The following GLIS3 variants were observed in gnomAD, a reference collection of about 807,000 sequenced individuals.
GLIS3 encodes GLIS family zinc finger 3, also known as zinc finger protein GLIS3.
Under a neutral mutation model 78.6 loss-of-function variants are expected in GLIS3, and 53 were observed. That is an observed-to-expected ratio of 0.67 (90% CI 0.54 to 0.85). The LOEUF (loss-of-function observed/expected upper bound fraction) is 0.85, where lower values mean the gene tolerates loss of function less well. GLIS3 is among the 40% of genes least tolerant of loss of function. The pLI is 0.00. For synonymous variants in GLIS3, 684 were observed against 509.9 expected, an observed-to-expected ratio of 1.34 and a Z score of -4.60; for missense variants, 1,703 against 1,231.1, an observed-to-expected ratio of 1.38 and a Z score of -5.74.
chr9:4,144,006 T>C (rs1834015517), intron 2 of GLIS3, among the ~76,000 whole-genome samples: 1 of 152,186 alleles, frequency 6.6e-6, no homozygotes, highest in South Asian at 2.1e-4. Flanking sequence ...AGCACCTTAG[T>C]ATGGAAAGAT....
chr9:4,118,699 A>G lies in GLIS3; in HGVS notation c.779T>C (p.Met260Thr), dbSNP rs760922241. ...TGAGTTAGAGACACTATTGCTGGAC[A>G]TGGATGTCCCGGGAGGAAGGCTAAG... is the stretch of plus-strand genomic sequence containing the variant. The part of the protein sequence containing the change: ...DLLSLPPGTS[M>T]SSNSVSNSLP... The change falls in exon 4 of 11, where the codon ATG becomes ACG. Residue 260 changes from methionine (M) to threonine (T), a missense_variant. By Grantham distance (81) the Met-to-Thr change is moderately conservative. Transcript: ENST00000381971. The surrounding 1 kb of genome is among the most constrained non-coding windows in gnomAD (Gnocchi z 4.7). 8.1e-6 allele frequency: 13 copies of G among 1,613,992 alleles called. No individual in the cohort carries two copies. The highest frequency in any genetic ancestry group is 1.1e-5 in the South Asian group (1 of 91,082).
intron 2 of GLIS3, among the ~76,000 whole-genome samples, chr9:4,224,442 C>T (rs1020874775): frequency 1.3e-5 from 2 of 152,176 alleles, no homozygotes; most frequent in Non-Finnish European, 2.9e-5. Context: ...CATACACTGT[C>T]CTCTTTATGA....
intron 10 of GLIS3, 24 bp downstream of exon 10, chr9:3,829,286 C>A (rs1488176264): frequency 6.2e-7 from 1 of 1,611,346 alleles, no homozygotes; most frequent in South Asian, 1.1e-5. Flanking sequence ...ACAGGATTTT[C>A]TAAGTCACAG....
intron 9 of GLIS3, among the ~76,000 whole-genome samples, chr9:3,840,557 G>T (rs928439389): frequency 6.6e-6 from 1 of 152,196 alleles, no homozygotes; most frequent in Non-Finnish European, 1.5e-5. Context: ...ATTTACGACT[G>T]ACATTTAAGC....
chr9:4,280,249 C>G (rs1456550975), intron 2 of GLIS3, among the ~76,000 whole-genome samples: 1 of 152,242 alleles, frequency 6.6e-6, no homozygotes, highest in African/African-American at 2.4e-5. Flanking sequence ...TCTTGAGCTC[C>G]TGGCCTCAAG....
At chr9:4,386,258 T>A in the GLIS3 span, among the ~76,000 whole-genome samples, 1 of 152,232 alleles carries the variant, frequency 6.6e-6, no homozygotes, top group Non-Finnish European at 1.5e-5. Context: ...ATTATAATAA[T>A]AAAAATTGTG....
intron 4 of GLIS3, among the ~76,000 whole-genome samples, chr9:4,062,143 G>A (rs115280347): frequency 0.023 from 3,441 of 152,274 alleles, 60 homozygotes; most frequent in Middle Eastern, 0.037. Context: ...GTCTGTAAAG[G>A]ACTGTGCGTT....
intron 9 of GLIS3, among the ~76,000 whole-genome samples, chr9:3,831,726 C>A (rs1051877356): frequency 5.3e-5 from 8 of 152,108 alleles, no homozygotes; most frequent in Admixed American, 1.3e-4. Context: ...AAATGGCCAA[C>A]CATAAGAGAA....
chr9:4,341,088 C>G (rs191445285), intron 2 of GLIS3, among the ~76,000 whole-genome samples: 76 of 152,316 alleles, frequency 5.0e-4, no homozygotes, highest in African/African-American at 1.7e-3. Context: ...TCTGTTATCT[C>G]TTCTGGTCCA....
At chr9:4,137,666 G>A (rs988144914) in intron 2 of GLIS3, among the ~76,000 whole-genome samples, 1 of 152,110 alleles carries the variant, frequency 6.6e-6, no homozygotes. Context: ...CCTGGAGTTT[G>A]TATTCTAAAG....
At chr9:4,308,167 C>T (rs1222906473) in intron 4 of GLIS3, among the ~76,000 whole-genome samples, 1 of 152,128 alleles carries the variant, frequency 6.6e-6, no homozygotes, top group Non-Finnish European at 1.5e-5. Flanking sequence ...CACGACCTAT[C>T]TGAAAGCCTT....
chr9:4,026,266 C>A (rs1823340173), intron 4 of GLIS3, among the ~76,000 whole-genome samples: 1 of 152,212 alleles, frequency 6.6e-6, no homozygotes, highest in African/African-American at 2.4e-5. Context: ...ATTAGACAGA[C>A]TACAGACCAG....
intron 4 of GLIS3, among the ~76,000 whole-genome samples, chr9:3,969,793 C>T (rs529554326): frequency 4.1e-4 from 63 of 152,288 alleles, no homozygotes; most frequent in Admixed American, 1.3e-3. Context: ...TCAGTCACTC[C>T]TAATGACAGG....
At chr9:4,449,298 G>C in the GLIS3 span, among the ~76,000 whole-genome samples, 1 of 152,168 alleles carries the variant, frequency 6.6e-6, no homozygotes, top group Non-Finnish European at 1.5e-5. Context: ...GGCTTGAGTA[G>C]GTAAAGAAAG....
At chr9:4,353,627 A>G in the GLIS3 span, among the ~76,000 whole-genome samples, 483 of 152,208 alleles carry the variant, frequency 3.2e-3, 3 homozygotes, top group African/African-American at 0.011. Flanking sequence ...TCAAGAAGTT[A>G]CCCAAAACGG....
intron 4 of GLIS3, among the ~76,000 whole-genome samples, chr9:4,089,942 A>G (rs1829356880): frequency 6.6e-6 from 1 of 152,186 alleles, no homozygotes; most frequent in African/African-American, 2.4e-5. Flanking sequence ...TGTTCAGACA[A>G]AGTGGTGCCT....
chr9:4,065,711 T>A (rs980030953), intron 4 of GLIS3, among the ~76,000 whole-genome samples: 11 of 152,122 alleles, frequency 7.2e-5, no homozygotes, highest in Non-Finnish European at 1.5e-4. Context: ...CTGACAAGCA[T>A]AGAATTTTCC....
chr9:4,448,393 G>A, the GLIS3 span, among the ~76,000 whole-genome samples: 3 of 152,204 alleles, frequency 2.0e-5, no homozygotes, highest in Non-Finnish European at 4.4e-5. Flanking sequence ...GAGGCTGAAA[G>A]TGTCTCAACA....
chr9:4,035,514 T>C (rs538025958), intron 4 of GLIS3, among the ~76,000 whole-genome samples: 2 of 151,942 alleles, frequency 1.3e-5, no homozygotes, highest in East Asian at 3.9e-4. Flanking sequence ...TCCCATGGAT[T>C]CTCCATTTTC....
Sources: gnomAD v4.1 joint callset for allele counts (sites outside exome capture counted in the v4.1 genomes callset) on GRCh38, gnomAD v4.1.1 for gene constraint, Gnocchi (gnomAD v3.1) non-coding constraint, MANE v1.5 for transcripts, NCBI Gene and HGNC (gene_info 2026-07-23, HGNC 2026-07-21) for gene names.